CA10: variants seen among roughly 807,000 people sequenced by gnomAD.
The protein encoded by CA10 is carbonic anhydrase-related protein 10.
In CA10, 14 loss-of-function variants were observed where a neutral mutation model predicts 44.2. The observed-to-expected ratio is 0.32, with a 90% CI of 0.21 to 0.50. The LOEUF (loss-of-function observed/expected upper bound fraction) is 0.50. Among genes scored for constraint, CA10 ranks in the 20% least tolerant of loss-of-function variants. The probability of loss-of-function intolerance (pLI) is 0.99; values close to 1 mark genes in which losing one functional copy is unlikely to be tolerated. For synonymous variants in CA10, 159 were observed against 141.6 expected, an observed-to-expected ratio of 1.12 and a Z score of -0.87; for missense variants, 350 against 409.7, an observed-to-expected ratio of 0.85 and a Z score of 1.26.
At chr17:51,935,917 G>T (rs203097) in intron 2 of CA10, among the ~76,000 whole-genome samples, 102,742 of 152,034 alleles carry the variant, frequency 0.68, 35,075 homozygotes, top group Non-Finnish European at 0.71. Flanking sequence ...AGTTAAAACT[G>T]GCCTTGACTT....
At chr17:51,893,583 C>G (rs1296144170) in intron 3 of CA10, among the ~76,000 whole-genome samples, 1 of 152,142 alleles carries the variant, frequency 6.6e-6, no homozygotes, top group Non-Finnish European at 1.5e-5. Flanking sequence ...TCAGACTTCT[C>G]TAGCCAACTA....
chr17:52,148,911 C>T (rs1187494405), intron 1 of CA10, among the ~76,000 whole-genome samples: 2 of 152,120 alleles, frequency 1.3e-5, no homozygotes, highest in African/African-American at 4.8e-5. Context: ...TTAACAAATA[C>T]ATTTAACACT....
intron 2 of CA10, among the ~76,000 whole-genome samples, chr17:51,950,563 C>T (rs1049436835): frequency 6.6e-6 from 1 of 152,134 alleles, no homozygotes; most frequent in African/African-American, 2.4e-5. Context: ...GGGTGTCCTT[C>T]TCCTACCACC....
chr17:52,055,358 AAAAAC>A (rs1461944926), intron 2 of CA10, among the ~76,000 whole-genome samples: 1 of 151,906 alleles, frequency 6.6e-6, no homozygotes, highest in African/African-American at 2.4e-5. Context: ...AAAAAAAAAA[AAAAAC>A]AAAGCAAAAC....
At chr17:51,670,241 A>T (rs1914366112) in intron 4 of CA10, among the ~76,000 whole-genome samples, 1 of 152,112 alleles carries the variant, frequency 6.6e-6, no homozygotes, top group Non-Finnish European at 1.5e-5. Flanking sequence ...ATTTAAGGAG[A>T]GTTTCCCATG....
At chr17:51,950,016 G>T (rs1983423080) in intron 2 of CA10, among the ~76,000 whole-genome samples, 1 of 152,006 alleles carries the variant, frequency 6.6e-6, no homozygotes, top group Admixed American at 6.6e-5. Context: ...GTACAATTAG[G>T]AACAATTAGT....
At chr17:51,725,988 C>G (rs992094905) in intron 4 of CA10, among the ~76,000 whole-genome samples, 3 of 151,628 alleles carry the variant, frequency 2.0e-5, no homozygotes, top group Non-Finnish European at 4.4e-5. Context: ...ATTCACCTGT[C>G]GGGGAGTGAA....
chr17:52,033,772 G>T (rs56302960), intron 2 of CA10, among the ~76,000 whole-genome samples: 1 of 152,282 alleles, frequency 6.6e-6, no homozygotes, highest in Non-Finnish European at 1.5e-5. Flanking sequence ...ACATAATGCT[G>T]CAATGAACAT....
At chr17:52,056,449 T>C (rs1471093752) in intron 2 of CA10, among the ~76,000 whole-genome samples, 11 of 152,108 alleles carry the variant, frequency 7.2e-5, no homozygotes, top group Non-Finnish European at 1.5e-5. Flanking sequence ...GAGGCTGGGC[T>C]GGGAAAGAGG....
At chr17:51,914,185 C>T (rs1456044806) in intron 3 of CA10, among the ~76,000 whole-genome samples, 1 of 152,070 alleles carries the variant, frequency 6.6e-6, no homozygotes, top group African/African-American at 2.4e-5. Flanking sequence ...GTGAACACCC[C>T]AGCTGCAAAA....
At chr17:51,856,202 C>G (rs889252658) in intron 3 of CA10, among the ~76,000 whole-genome samples, 2 of 152,220 alleles carry the variant, frequency 1.3e-5, no homozygotes, top group Non-Finnish European at 2.9e-5. Flanking sequence ...TAAAATGTCT[C>G]AAGCATATCC....
chr17:51,712,328 T>A (rs1044685872), intron 4 of CA10, among the ~76,000 whole-genome samples: 1 of 152,218 alleles, frequency 6.6e-6, no homozygotes, highest in East Asian at 1.9e-4. Context: ...TTAGTAATGA[T>A]GCCTTGTACC....
intron 3 of CA10, among the ~76,000 whole-genome samples, chr17:51,868,820 G>T (rs1250120852): frequency 6.6e-6 from 1 of 151,576 alleles, no homozygotes; most frequent in Non-Finnish European, 1.5e-5. Flanking sequence ...TGTTGATATA[G>T]AACACTCATG....
chr17:51,871,442 G>C (rs1598092146), intron 3 of CA10, among the ~76,000 whole-genome samples: 1 of 114,568 alleles, frequency 8.7e-6, no homozygotes, highest in Non-Finnish European at 1.7e-5. Flanking sequence ...GCTTCACCAT[G>C]TTGGCCAGGC....
At chr17:52,143,224 A>T (rs77396849) in intron 1 of CA10, among the ~76,000 whole-genome samples, 1 of 152,094 alleles carries the variant, frequency 6.6e-6, no homozygotes, top group African/African-American at 2.4e-5. Context: ...AATTATTTTC[A>T]CATTATTTGG....
chr17:51,934,750 C>T lies in CA10; in HGVS notation c.137-3618G>A, dbSNP rs149237138. On this transcript the variant is annotated intron_variant, in intron 2 of 8. Coordinates refer to ENST00000451037, the MANE Select transcript of CA10 (RefSeq NM_020178.5). ...CAGGGATAGTTCCTGGGGTCAGCTGCACCGGGCAAGGTTTTAGTGCAGATA... is the reference window on the plus strand; with the variant it reads ...CAGGGATAGTTCCTGGGGTCAGCTGTACCGGGCAAGGTTTTAGTGCAGATA... 6.0e-3 allele frequency among the ~76,000 whole-genome samples: 913 copies of T among 152,196 alleles called. 8 individuals are homozygous for T. Among genetic ancestry groups the T allele is most frequent in the African/African-American group, 0.021 (863 of 41,532 alleles).
chr17:51,743,605 C>G (rs1420486142), intron 4 of CA10, among the ~76,000 whole-genome samples: 1 of 152,196 alleles, frequency 6.6e-6, no homozygotes, highest in Non-Finnish European at 1.5e-5. Context: ...ATTACAATAA[C>G]CTCACTAGAC....
intron 3 of CA10, among the ~76,000 whole-genome samples, chr17:51,884,986 C>T (rs183963433): frequency 6.6e-6 from 1 of 152,304 alleles, no homozygotes; most frequent in Non-Finnish European, 1.5e-5. Context: ...AGTGCCCACC[C>T]TAATCCAGTA....
At chr17:52,092,203 T>C (rs1988285336) in intron 1 of CA10, among the ~76,000 whole-genome samples, 2 of 152,326 alleles carry the variant, frequency 1.3e-5, no homozygotes, top group South Asian at 4.1e-4. Context: ...TCATTCTCTG[T>C]ATAACATTCC....
Sources: allele counts gnomAD v4.1 joint callset (sites outside exome capture counted in the v4.1 genomes callset), GRCh38; gene constraint gnomAD v4.1.1; transcripts MANE v1.5; gene names NCBI Gene and HGNC (gene_info 2026-07-23, HGNC 2026-07-21).